POLR3C: variants seen among roughly 807,000 people sequenced by gnomAD.
The protein encoded by POLR3C is RNA polymerase III subunit C, also known as DNA-directed RNA polymerase III subunit RPC3.
POLR3C carries 44 observed loss-of-function variants against 65.9 expected under a neutral mutation model. That is an observed-to-expected ratio of 0.67 (90% CI 0.52 to 0.86). The LOEUF is 0.86. Among genes scored for constraint, POLR3C ranks in the 40% least tolerant of loss-of-function variants. The pLI is 0.00. For synonymous variants in POLR3C, 263 were observed against 231.6 expected (o/e 1.14, Z -1.23); for missense variants, 576 against 653.2 (o/e 0.88, Z 1.29).
At chr1:145,836,278 G>A (rs1166343038) in intron 7 of POLR3C, among the ~76,000 whole-genome samples, 4 of 152,068 alleles carry the variant, frequency 2.6e-5, no homozygotes, top group East Asian at 3.9e-4. Flanking sequence ...GCGCCACCAC[G>A]TCCAGCTAAT....
intron 5 of POLR3C, among the ~76,000 whole-genome samples, chr1:145,829,751 C>T (rs151336071): frequency 2.0e-3 from 307 of 152,302 alleles, no homozygotes; most frequent in Middle Eastern, 6.8e-3. Flanking sequence ...CAAACTCTTT[C>T]TGGTCTTTAG....
chr1:145,838,372 G>C (rs1470732915), intron 11 of POLR3C, among the ~76,000 whole-genome samples, 166 bp downstream of exon 11: 2 of 152,134 alleles, frequency 1.3e-5, no homozygotes, highest in Non-Finnish European at 2.9e-5. Context: ...ATAATTTGGG[G>C]CCTTAACTGC....
chr1:145,828,722 C>G, intron 4 of POLR3C, 27 bp from the exon 5 acceptor site: 1 of 1,426,502 alleles, frequency 7.0e-7, no homozygotes, highest in South Asian at 1.1e-5. Flanking sequence ...GAGATATAGT[C>G]TAAGTGTTTA....
chr1:145,836,889 TAG>T (rs1401365526), intron 9 of POLR3C, 23 bp downstream of exon 9: 5 of 1,415,728 alleles, frequency 3.5e-6, no homozygotes, highest in African/African-American at 1.4e-5. Context: ...GTTATTTCCT[TAG>T]AGTCAGGCAG....
At chr1:145,837,312 A>G (rs1422712311) in intron 9 of POLR3C, among the ~76,000 whole-genome samples, 2 of 152,220 alleles carry the variant, frequency 1.3e-5, no homozygotes, top group Non-Finnish European at 2.9e-5. Context: ...AGAAAAGGAA[A>G]AAGGACTTTT....
chr1:145,839,105 T>A (rs1269442500), intron 11 of POLR3C, among the ~76,000 whole-genome samples: 1 of 151,982 alleles, frequency 6.6e-6, no homozygotes, highest in Non-Finnish European at 1.5e-5. Context: ...ACCCTGTCTC[T>A]ACTAAAAATA....
chr1:145,836,399 C>A, intron 7 of POLR3C, 95 bp from the exon 8 acceptor site: 1 of 774,368 alleles, frequency 1.3e-6, no homozygotes, highest in Non-Finnish European at 2.3e-6. Flanking sequence ...GGATTACAGG[C>A]CTTAGCCACT....
Position 145,827,758 on chromosome 1 carries a change from C to CAA in POLR3C, c.589+773_589+774dup, listed in dbSNP as rs1163679762. 2.5e-3 allele frequency among the ~76,000 whole-genome samples: 146 copies of CAA among 58,486 alleles called. 1 individual carries two copies. The highest frequency in any genetic ancestry group is 0.018 in the Middle Eastern group (2 of 110). 38.4% of individuals were successfully genotyped at this position (58,486 alleles called of 152,430 possible). Reference sequence around the variant, plus strand: ...TGGGCAACAGAGCCAGACTCCGTCTCAAAAAAAAAAAAAAAAAAAAATAGC... The same window carrying CAA: ...TGGGCAACAGAGCCAGACTCCGTCTCAAAAAAAAAAAAAAAAAAAAAAATAGC... On this transcript the variant is annotated intron_variant, in intron 4 of 14. Coordinates refer to ENST00000334163, the MANE Select transcript of POLR3C (RefSeq NM_006468.8).
chr1:145,838,213 A>G lies in POLR3C; in HGVS notation c.1221+7A>G, dbSNP rs782106949. The G allele has an allele frequency of 6.2e-6, 10 of 1,611,622 alleles. No individual in the cohort carries two copies. The highest frequency in any genetic ancestry group is 7.6e-6 in the Non-Finnish European group (9 of 1,177,856). ...AAATTTCATGTCACTCCAGGTAACC[A>G]ACCAAGGGCGTAATAATTGCCAACC... On this transcript the variant is annotated splice_region_variant and intron_variant, in intron 11 of 14. Coordinates refer to ENST00000334163, the MANE Select transcript of POLR3C (RefSeq NM_006468.8).
In POLR3C at chr1:145,842,453, G is replaced by T. The variant is rs781839963; in HGVS notation, c.*33G>T. Reference sequence around the variant, plus strand: ...GAAGCATCTTCCTCAGAAGATCTGGGGGGATGGAAAGCAAAATAAAGGAGG... The same window carrying T: ...GAAGCATCTTCCTCAGAAGATCTGGTGGGATGGAAAGCAAAATAAAGGAGG... On this transcript the variant is annotated 3_prime_UTR_variant, in exon 15 of 15. Coordinates refer to ENST00000334163, the MANE Select transcript of POLR3C (RefSeq NM_006468.8). 6.9e-6 allele frequency: 10 copies of T among 1,445,770 alleles called. No individual in the cohort carries two copies. The South Asian group carries it at 1.0e-4, about 15-fold the overall frequency. 89.6% of individuals were successfully genotyped at this position (1,445,770 alleles called of 1,614,324 possible).
At chr1:145,824,435 G>A (rs962491685) in intron 1 of POLR3C, 66 bp downstream of exon 1, 13 of 695,842 alleles carry the variant, frequency 1.9e-5, no homozygotes, top group Non-Finnish European at 2.9e-5. Flanking sequence ...TCCGAAACGG[G>A]AACCTGTGTA....
chr1:145,833,209 A>C, intron 5 of POLR3C, 51 bp from the exon 6 acceptor site: 1 of 1,047,234 alleles, frequency 9.5e-7, no homozygotes, highest in South Asian at 1.4e-5. Context: ...CAAGCTCCTC[A>C]CCAGAAAACT....
At chr1:145,832,634 A>G (rs1428080773) in intron 5 of POLR3C, among the ~76,000 whole-genome samples, 4 of 152,174 alleles carry the variant, frequency 2.6e-5, no homozygotes, top group African/African-American at 4.8e-5. Flanking sequence ...AGTGTCTTCT[A>G]TTTTCTCTGT....
Position 145,824,209 on chromosome 1 carries a change from C to G in POLR3C, c.-181C>G. On this transcript the variant is annotated 5_prime_UTR_variant, in exon 1 of 15. Coordinates refer to ENST00000334163, the MANE Select transcript of POLR3C (RefSeq NM_006468.8). ...GCCGAAACTCTGGGGTAGAGTGGCA[C>G]GCGCTTTTTGCTTTTCCGCGTCTTC... The G allele has an allele frequency of 6.4e-6, 2 of 310,494 alleles. No homozygotes were observed. Among genetic ancestry groups the G allele is most frequent in the South Asian group, 6.9e-5 (2 of 28,882 alleles). The allele number at this position is 310,494 out of a possible 1,614,324, so 19.2% of individuals were successfully genotyped here.
At chr1:145,835,120 A>G (rs367891351) in intron 7 of POLR3C, among the ~76,000 whole-genome samples, 61 of 149,294 alleles carry the variant, frequency 4.1e-4, no homozygotes, top group African/African-American at 1.4e-3. Flanking sequence ...ACTCCAGCTT[A>G]AACAACAGAG....
At position 145,843,561 on chromosome 1, in the gene POLR3C, G is replaced by A. The variant is rs1250557256; in HGVS notation, c.*1141G>A. 6.6e-6 allele frequency among the ~76,000 whole-genome samples: 1 copy of A among 152,036 alleles called. No homozygotes were observed. Among genetic ancestry groups the A allele is most frequent in the African/African-American group, 2.4e-5 (1 of 41,394 alleles). ...GCACCTGTTTTGTGCTAAGTACTGG[G>A]GTAAGCCTTGGGGATATAAAGATTA... On this transcript the variant is annotated 3_prime_UTR_variant, in exon 15 of 15. Transcript: ENST00000334163.
chr1:145,834,515 A>G (rs1651626423), intron 7 of POLR3C, among the ~76,000 whole-genome samples: 1 of 151,906 alleles, frequency 6.6e-6, no homozygotes, highest in African/African-American at 2.4e-5. Context: ...ATACAAAAAA[A>G]AAAAAAAAAA....
rs1037219565 is a variant in POLR3C, at chr1:145,843,557, C to G, written c.*1137C>G. On this transcript the variant is annotated 3_prime_UTR_variant, in exon 15 of 15. Coordinates refer to ENST00000334163, the MANE Select transcript of POLR3C (RefSeq NM_006468.8). ...CTAAGCACCTGTTTTGTGCTAAGTA[C>G]TGGGGTAAGCCTTGGGGATATAAAG... Among the ~76,000 whole-genome samples the G allele has an allele frequency of 1.3e-5, 2 of 152,088 alleles. No individual in the cohort carries two copies. Among genetic ancestry groups the G allele is most frequent in the African/African-American group, 2.4e-5 (1 of 41,406 alleles).
chr1:145,829,457 C>G (rs1241394485), intron 5 of POLR3C, among the ~76,000 whole-genome samples: 2 of 152,250 alleles, frequency 1.3e-5, no homozygotes, highest in African/African-American at 4.8e-5. Context: ...TCTCTCAACT[C>G]TTTGCAAACG....
Sources: gnomAD v4.1 joint callset for allele counts (sites outside exome capture counted in the v4.1 genomes callset) on GRCh38, gnomAD v4.1.1 for gene constraint, MANE v1.5 for transcripts, NCBI Gene and HGNC (gene_info 2026-07-23, HGNC 2026-07-21) for gene names.